The following MTCL3 variants were observed in gnomAD, a reference collection of about 807,000 sequenced individuals.
MTCL3 encodes MTCL family member 3.
At chr6:127,517,210 T>G in the MTCL3 span, among the ~76,000 whole-genome samples, 4 of 152,244 alleles carry the variant, frequency 2.6e-5, no homozygotes, top group Admixed American at 2.6e-4. Context: ...GTAGGGTTCC[T>G]AGAGAATATT....
chr6:127,475,787 T>A, the MTCL3 span: 2 of 1,610,930 alleles, frequency 1.2e-6, no homozygotes. This position sits in a 1 kb window ranked among gnomAD's most constrained non-coding sequence, Gnocchi z 7.3. Context: ...TCGCGGGGGC[T>A]GCCGCGGATG....
the MTCL3 span, among the ~76,000 whole-genome samples, chr6:127,503,348 G>A: frequency 1.3e-5 from 2 of 152,264 alleles, no homozygotes; most frequent in African/African-American, 4.8e-5. Flanking sequence ...TCAGCCACTG[G>A]CATGTAATTA....
the MTCL3 span, among the ~76,000 whole-genome samples, chr6:127,511,830 C>A: frequency 6.6e-6 from 1 of 152,168 alleles, no homozygotes; most frequent in Non-Finnish European, 1.5e-5. Flanking sequence ...AAGACATATT[C>A]TTAATCAGAC....
the MTCL3 span, among the ~76,000 whole-genome samples, chr6:127,482,238 G>A: frequency 1.3e-5 from 2 of 151,938 alleles, no homozygotes; most frequent in African/African-American, 4.8e-5. The surrounding 1 kb of genome is among the most constrained non-coding windows in gnomAD (Gnocchi z 4.1). Context: ...ACCCTCTCTT[G>A]GGGTCTGGAT....
the MTCL3 span, chr6:127,517,612 C>G: frequency 1.3e-5 from 2 of 152,266 alleles, no homozygotes; most frequent in South Asian, 4.2e-4. Flanking sequence ...CATCGCATAT[C>G]ATAGGCAAAA....
At chr6:127,494,450 T>C in the MTCL3 span, among the ~76,000 whole-genome samples, 1 of 152,292 alleles carries the variant, frequency 6.6e-6, no homozygotes, top group South Asian at 2.1e-4. Context: ...GACAAAAAAC[T>C]GTAACAGTTG....
At chr6:127,516,542 C>T in the MTCL3 span, 10 of 1,599,028 alleles carry the variant, frequency 6.3e-6, no homozygotes, top group Non-Finnish European at 6.8e-6. Context: ...TGCAGACGAG[C>T]CTCAGTGGCT....
the MTCL3 span, chr6:127,516,214 G>C: frequency 7.0e-7 from 1 of 1,432,426 alleles, no homozygotes; most frequent in Non-Finnish European, 9.1e-7. Flanking sequence ...GCCGCCCAAA[G>C]CGGCCAGGGT....
the MTCL3 span, among the ~76,000 whole-genome samples, chr6:127,508,835 A>G: frequency 6.6e-6 from 1 of 152,198 alleles, no homozygotes; most frequent in Non-Finnish European, 1.5e-5. Context: ...CTTTGAAAAT[A>G]AAGTTCACTG....
At chr6:127,496,620 T>A in the MTCL3 span, among the ~76,000 whole-genome samples, 3 of 152,322 alleles carry the variant, frequency 2.0e-5, no homozygotes, top group South Asian at 4.1e-4. Flanking sequence ...ACTTTCACAG[T>A]AATATTCCTA....
At chr6:127,475,350 G>C in the MTCL3 span, 3 of 1,613,242 alleles carry the variant, frequency 1.9e-6, no homozygotes, top group East Asian at 2.2e-5. The surrounding 1 kb of genome is among the most constrained non-coding windows in gnomAD (Gnocchi z 7.3). Context: ...TGGGCACCTC[G>C]AGGCGGTCGA....
At chr6:127,476,271 G>A in the MTCL3 span, 3 of 1,614,108 alleles carry the variant, frequency 1.9e-6, no homozygotes, top group South Asian at 1.1e-5. The surrounding 1 kb of genome is among the most constrained non-coding windows in gnomAD (Gnocchi z 4.4). Context: ...GCTTGAGCTC[G>A]GCCTCCCTAG....
the MTCL3 span, chr6:127,473,221 G>T: frequency 7.0e-7 from 1 of 1,421,544 alleles, no homozygotes; most frequent in Non-Finnish European, 9.2e-7. Context: ...TTCTTGTCTT[G>T]AAGGGTGAAC....
the MTCL3 span, among the ~76,000 whole-genome samples, chr6:127,488,348 A>C: frequency 6.6e-6 from 1 of 152,054 alleles, no homozygotes; most frequent in African/African-American, 2.4e-5. Context: ...ATTTTTCCCC[A>C]TAGCTCCTCT....
the MTCL3 span, among the ~76,000 whole-genome samples, chr6:127,492,204 A>G: frequency 2.0e-5 from 3 of 152,342 alleles, no homozygotes; most frequent in East Asian, 5.8e-4. Context: ...ACCTGAGACC[A>G]GAATGGACCA....
the MTCL3 span, chr6:127,476,265 G>C: frequency 6.2e-7 from 1 of 1,614,172 alleles, no homozygotes; most frequent in Non-Finnish European, 8.5e-7. This position sits in a 1 kb window ranked among gnomAD's most constrained non-coding sequence, Gnocchi z 4.4. Flanking sequence ...GCCGTAGCTT[G>C]AGCTCGGCCT....
chr6:127,509,055 T>C, the MTCL3 span, among the ~76,000 whole-genome samples: 1 of 152,236 alleles, frequency 6.6e-6, no homozygotes. Context: ...TGTTGAAAGA[T>C]AGAATGCCAT....
At chr6:127,494,222 ATTAAAC>A in the MTCL3 span, among the ~76,000 whole-genome samples, 9 of 152,230 alleles carry the variant, frequency 5.9e-5, no homozygotes, top group African/African-American at 2.2e-4. Flanking sequence ...TATTAGTGGC[ATTAAAC>A]TTAAAATGGC....
chr6:127,479,680 A>G, the MTCL3 span, among the ~76,000 whole-genome samples: 1 of 152,212 alleles, frequency 6.6e-6, no homozygotes, highest in African/African-American at 2.4e-5. Context: ...TTGGACATAG[A>G]CTGAATATAA....
Sources: gnomAD v4.1 joint callset for allele counts (sites outside exome capture counted in the v4.1 genomes callset) on GRCh38, gnomAD v4.1.1 for gene constraint, Gnocchi (gnomAD v3.1) non-coding constraint, MANE v1.5 for transcripts, NCBI Gene and HGNC (gene_info 2026-07-23, HGNC 2026-07-21) for gene names.